The following TMEM140 variants were observed in gnomAD, a reference collection of about 807,000 sequenced individuals.
TMEM140 encodes the protein transmembrane protein 140.
For missense variants in TMEM140, 236 were observed against 228.5 expected (o/e 1.03, Z -0.21); for synonymous variants, 107 against 106.8 (o/e 1.00, Z -0.01).
chr7:135,154,791 T>C (rs1017828426), intron 1 of TMEM140, among the ~76,000 whole-genome samples: 6 of 152,254 alleles, frequency 3.9e-5, no homozygotes, highest in African/African-American at 1.4e-4. Flanking sequence ...TTGGAGAATG[T>C]TCCATGTGCT....
At chr7:135,149,589 T>C (rs575846425) in intron 1 of TMEM140, among the ~76,000 whole-genome samples, 1 of 152,334 alleles carries the variant, frequency 6.6e-6, no homozygotes, top group Non-Finnish European at 1.5e-5. Context: ...GTTTTTAATG[T>C]TTATTGCCAA....
chr7:135,154,941 A>G (rs1829753283), intron 1 of TMEM140, among the ~76,000 whole-genome samples: 1 of 152,152 alleles, frequency 6.6e-6, no homozygotes, highest in South Asian at 2.1e-4. Context: ...TGGAGTGTTA[A>G]AAGTCCCCTA....
chr7:135,159,398 G>A (rs1188882032), intron 1 of TMEM140, among the ~76,000 whole-genome samples: 1 of 152,152 alleles, frequency 6.6e-6, no homozygotes, highest in Non-Finnish European at 1.5e-5. Flanking sequence ...TCCCTTATTA[G>A]TATGAAAATG....
chr7:135,156,845 G>C (rs1226173616), intron 1 of TMEM140, among the ~76,000 whole-genome samples: 3 of 152,144 alleles, frequency 2.0e-5, no homozygotes, highest in Non-Finnish European at 4.4e-5. Flanking sequence ...TGTTGTGAGA[G>C]GGGACGCCAG....
At chr7:135,163,389 C>A (rs188889013) in intron 1 of TMEM140, among the ~76,000 whole-genome samples, 1 of 152,224 alleles carries the variant, frequency 6.6e-6, no homozygotes, top group Admixed American at 6.5e-5. Flanking sequence ...TGCCTGTAAT[C>A]CCAGCACTTT....
rs544975319 is a variant in TMEM140 at position 135,163,162 on chromosome 7, GATC to G, written c.-24-1253_-24-1251del. On this transcript the variant is annotated intron_variant, in intron 1 of 1. Transcript: ENST00000275767. ...CCACATGAACTATTGCACAGCCATT[GATC>G]ATGTTTTTGAAGAATATTTAACAGC... is the stretch of plus-strand genomic sequence containing the variant. Among the ~76,000 whole-genome samples the G allele has an allele frequency of 3.6e-3, 554 of 152,312 alleles. 5 individuals are homozygous for G. The highest frequency in any genetic ancestry group is 0.017 in the Middle Eastern group (5 of 294).
At position 135,151,560 on chromosome 7, in the gene TMEM140, A is replaced by G. The variant is rs900278876; in HGVS notation, c.-25+3290A>G. 3.3e-5 allele frequency among the ~76,000 whole-genome samples: 5 copies of G among 152,062 alleles called. No homozygotes were observed. The highest frequency in any genetic ancestry group is 9.7e-5 in the African/African-American group (4 of 41,386). ...CTCCATTCAGGCGACACACCCAACC[A>G]TGTCTACCTGACTCTCCGTCAATTC... On this transcript the variant is annotated intron_variant, in intron 1 of 1. Coordinates refer to ENST00000275767, the MANE Select transcript of TMEM140 (RefSeq NM_018295.5). The surrounding 1 kb of genome is among the most constrained non-coding windows in gnomAD (Gnocchi z 4.3).
At position 135,161,313 on chromosome 7, in the gene TMEM140, G is replaced by A. The variant is rs1469613589; in HGVS notation, c.-24-3105G>A. Among the ~76,000 whole-genome samples, 1 of 152,222 alleles carries A rather than the reference G, an allele frequency of 6.6e-6. No individual in the cohort carries two copies. The highest frequency in any genetic ancestry group is 2.4e-5 in the African/African-American group (1 of 41,460). On this transcript the variant is annotated intron_variant, in intron 1 of 1. Transcript: ENST00000275767. The surrounding 1 kb of genome is among the most constrained non-coding windows in gnomAD (Gnocchi z 4.1). ...CACATTAATTTTTAAAAAGGCAGCT[G>A]TTTTCAAAGCAAAACGTTTAATAAT...
At position 135,164,436 on chromosome 7, in the gene TMEM140, G is replaced by C; in HGVS notation, c.-6G>C. The C allele has an allele frequency of 1.9e-6, 3 of 1,596,300 alleles. No homozygotes were observed. The highest frequency in any genetic ancestry group is 2.6e-6 in the Non-Finnish European group (3 of 1,165,104). On this transcript the variant is annotated 5_prime_UTR_variant, in exon 2 of 2. Transcript: ENST00000275767. ...CCCGCAGGTCCCCCGGCAGAGGGCA[G>C]TAGAGATGGCCGGCCCAAGGCCTCG...
At chr7:135,163,995 A>G (rs1420649290) in intron 1 of TMEM140, among the ~76,000 whole-genome samples, 1 of 152,248 alleles carries the variant, frequency 6.6e-6, no homozygotes, top group Non-Finnish European at 1.5e-5. Context: ...GGTGAAAACC[A>G]ATAGCTTCCT....
At chr7:135,149,580 T>C (rs1020387882) in intron 1 of TMEM140, among the ~76,000 whole-genome samples, 22 of 152,064 alleles carry the variant, frequency 1.4e-4, no homozygotes, top group Admixed American at 3.3e-4. Flanking sequence ...ATTTTTAGGG[T>C]TTTTAATGTT....
chr7:135,164,678 C>T lies in TMEM140; in HGVS notation c.237C>T (p.Gly79=). ...AAGCCCTGGGGGTGCCTCGGGTTGG[C>T]CTGGGCCTGGCCAGGCTTGGCGTGT... The part of the protein sequence containing the change: ...ELEALGVPRV[G]LGLARLGVYG... Residue 79 remains glycine, a synonymous_variant, in exon 2 of 2, where the codon GGC becomes GGT. Coordinates refer to ENST00000275767, the MANE Select transcript of TMEM140 (RefSeq NM_018295.5). The T allele has an allele frequency of 6.2e-7, 1 of 1,614,000 alleles. No homozygotes were observed. The highest frequency in any genetic ancestry group is 8.5e-7 in the Non-Finnish European group (1 of 1,179,838).
At chr7:135,155,397 C>T (rs757976142) in intron 1 of TMEM140, among the ~76,000 whole-genome samples, 219 of 152,180 alleles carry the variant, frequency 1.4e-3, no homozygotes, top group Non-Finnish European at 2.3e-3. Context: ...GTTTTATAGA[C>T]TCTTTGTCTT....
chr7:135,160,742 A>C (rs1829912379), intron 1 of TMEM140, among the ~76,000 whole-genome samples: 2 of 151,904 alleles, frequency 1.3e-5, no homozygotes, highest in African/African-American at 2.4e-5. Flanking sequence ...ATTTAAAAAA[A>C]AAAAACAAAA....
In TMEM140 at chr7:135,161,953, G is replaced by A. The variant is rs947140862; in HGVS notation, c.-24-2465G>A. On this transcript the variant is annotated intron_variant, in intron 1 of 1. Transcript: ENST00000275767. The surrounding 1 kb of genome is among the most constrained non-coding windows in gnomAD (Gnocchi z 4.1). Reference sequence around the variant, plus strand: ...CGGCATCTGAGGGGAGGCGGTGGCAGTGTGGACCCCACCCTTACTGTATTC... The same window carrying A: ...CGGCATCTGAGGGGAGGCGGTGGCAATGTGGACCCCACCCTTACTGTATTC... 1.3e-5 allele frequency among the ~76,000 whole-genome samples: 2 copies of A among 152,238 alleles called. No homozygotes were observed. The highest frequency in any genetic ancestry group is 1.9e-4 in the East Asian group (1 of 5,192).
At chr7:135,163,552 G>A (rs1434830258) in intron 1 of TMEM140, among the ~76,000 whole-genome samples, 1 of 152,178 alleles carries the variant, frequency 6.6e-6, no homozygotes, top group East Asian at 1.9e-4. Flanking sequence ...GGCTGAGGCA[G>A]GAGACTTGCT....
chr7:135,157,861 C>A (rs147005441), intron 1 of TMEM140, among the ~76,000 whole-genome samples: 1 of 152,126 alleles, frequency 6.6e-6, no homozygotes, highest in African/African-American at 2.4e-5. Context: ...TTAATTCAGA[C>A]TGGTTATGAA....
Position 135,164,838 on chromosome 7 carries a change from C to A in TMEM140, c.397C>A (p.Leu133Ile). The A allele has an allele frequency of 6.2e-7, 1 of 1,613,998 alleles. No individual in the cohort carries two copies. The highest frequency in any genetic ancestry group is 1.3e-5 in the African/African-American group (1 of 75,066). The change falls in exon 2 of 2, where the codon CTC (leucine) becomes ATC (isoleucine). Residue 133 changes from leucine to isoleucine, a missense_variant. By Grantham distance (5) the Leu-to-Ile change is conservative (BLOSUM62 2). Coordinates refer to ENST00000275767, the MANE Select transcript of TMEM140 (RefSeq NM_018295.5). ...TGTGCTGCTGGCAGGCGGCCTGGGC[C>A]TCTTCCTCTCCTATGTGTGGAAGTG... ...SSVLLAGGLG[L>I]FLSYVWKWVR...
Position 135,164,618 on chromosome 7 carries a change from C to A in TMEM140, c.177C>A (p.Thr59=). 1 of 1,614,122 alleles carries A rather than the reference C, an allele frequency of 6.2e-7. No individual in the cohort carries two copies. The highest frequency in any genetic ancestry group is 8.5e-7 in the Non-Finnish European group (1 of 1,179,926). ...ACTTCTGCCTGTGGAATGAGGACAC[C>A]AGCACCCTACAGTGTCACCAGTTCC... ...FYNFCLWNED[T]STLQCHQFPE... is the part of the protein sequence containing the mutation. Residue 59 remains threonine (T), a synonymous_variant, in exon 2 of 2, where the codon ACC becomes ACA. Coordinates refer to ENST00000275767, the MANE Select transcript of TMEM140 (RefSeq NM_018295.5).
Sources: allele counts gnomAD v4.1 joint callset (sites outside exome capture counted in the v4.1 genomes callset), GRCh38; gene constraint gnomAD v4.1.1; non-coding constraint Gnocchi (gnomAD v3.1); transcripts MANE v1.5; gene names NCBI Gene and HGNC (gene_info 2026-07-23, HGNC 2026-07-21).